Variants in ERC1 observed in about 807,000 individuals in gnomAD.
The protein encoded by ERC1 is RAB6 interacting protein 2.
Under a neutral mutation model 132.0 loss-of-function variants are expected in ERC1, and 56 were observed. The observed-to-expected ratio is 0.42, with a 90% CI of 0.34 to 0.53. The LOEUF (loss-of-function observed/expected upper bound fraction) is 0.53. Ranked by LOEUF, ERC1 falls within the 20% of genes least tolerant of loss-of-function variation. ERC1 has a pLI of 0.03. For synonymous variants in ERC1, 478 were observed against 476.1 expected (o/e 1.00, Z -0.05); for missense variants, 1,202 against 1,349.9 (o/e 0.89, Z 1.72).
intron 17 of ERC1, among the ~76,000 whole-genome samples, chr12:1,437,977 G>C (rs2092993111): frequency 6.6e-6 from 1 of 152,182 alleles, no homozygotes; most frequent in African/African-American, 2.4e-5. Flanking sequence ...CCTTTGGAGA[G>C]AGTTTCTACT....
chr12:1,054,312 A>G (rs1419085990), intron 2 of ERC1, among the ~76,000 whole-genome samples: 1 of 152,160 alleles, frequency 6.6e-6, no homozygotes, highest in Non-Finnish European at 1.5e-5. Flanking sequence ...GGGCCTGGGT[A>G]TATTATGTAG....
At chr12:1,105,767 G>A (rs751442078) in intron 4 of ERC1, among the ~76,000 whole-genome samples, 12 of 152,016 alleles carry the variant, frequency 7.9e-5, no homozygotes, top group Non-Finnish European at 1.5e-4. Context: ...ACAAGTACTT[G>A]ACGTGACAAA....
At chr12:1,140,940 CTT>C (rs772715370) in intron 7 of ERC1, among the ~76,000 whole-genome samples, 3 of 151,984 alleles carry the variant, frequency 2.0e-5, no homozygotes, top group Non-Finnish European at 2.9e-5. Context: ...GAAAATATGA[CTT>C]ATTATTTTCC....
chr12:1,309,871 G>A (rs1235412307), intron 15 of ERC1, among the ~76,000 whole-genome samples: 5 of 152,048 alleles, frequency 3.3e-5, no homozygotes. Flanking sequence ...CAGTTACTCA[G>A]TTTCCTCGTC....
At chr12:1,021,218 G>A (rs892293476) in intron 1 of ERC1, among the ~76,000 whole-genome samples, 14 of 152,076 alleles carry the variant, frequency 9.2e-5, no homozygotes, top group Admixed American at 3.9e-4. Context: ...TGGGGTTACA[G>A]GCATGAGCCA....
intron 6 of ERC1, among the ~76,000 whole-genome samples, chr12:1,114,126 C>T (rs1023205033): frequency 1.6e-4 from 24 of 152,004 alleles, no homozygotes; most frequent in Admixed American, 1.1e-3. Context: ...CTGGTTCAAG[C>T]GATTCTCCTG....
At chr12:1,115,361 T>C (rs1435840078) in intron 6 of ERC1, among the ~76,000 whole-genome samples, 1 of 152,176 alleles carries the variant, frequency 6.6e-6, no homozygotes, top group African/African-American at 2.4e-5. Flanking sequence ...CTTTTGAGAA[T>C]GAAAAAGATA....
At chr12:1,427,015 A>G (rs2092662490) in intron 17 of ERC1, among the ~76,000 whole-genome samples, 1 of 152,130 alleles carries the variant, frequency 6.6e-6, no homozygotes, top group Non-Finnish European at 1.5e-5. Flanking sequence ...AGGCAGATAT[A>G]TATACTTTAT....
intron 16 of ERC1, among the ~76,000 whole-genome samples, chr12:1,407,380 C>T (rs780328756): frequency 1.5e-4 from 23 of 151,608 alleles, no homozygotes; most frequent in Non-Finnish European, 2.9e-4. Flanking sequence ...TTATTGAGAC[C>T]CTGTCTCTAC....
At chr12:1,381,078 GAA>G (rs1380193821) in intron 16 of ERC1, 1 of 152,156 alleles carries the variant, frequency 6.6e-6, no homozygotes, top group Non-Finnish European at 1.5e-5. Context: ...TTATGACTGA[GAA>G]GACATTCCTC....
intron 15 of ERC1, among the ~76,000 whole-genome samples, chr12:1,370,415 G>T (rs2087093757): frequency 6.6e-6 from 1 of 152,182 alleles, no homozygotes; most frequent in African/African-American, 2.4e-5. Context: ...TGAAAAGAAT[G>T]ATTGATGTTC....
At chr12:1,232,714 TG>T (rs1178408803) in intron 12 of ERC1, among the ~76,000 whole-genome samples, 1 of 152,132 alleles carries the variant, frequency 6.6e-6, no homozygotes, top group African/African-American at 2.4e-5. Flanking sequence ...TCCTAATTTT[TG>T]TTGAGTTTCC....
intron 8 of ERC1, among the ~76,000 whole-genome samples, chr12:1,164,791 A>G (rs138943022): frequency 1.7e-3 from 259 of 152,328 alleles, no homozygotes; most frequent in African/African-American, 5.9e-3. Flanking sequence ...TCAGTAGAAT[A>G]AAACATTGGA....
At chr12:1,418,612 TTTCTTTCTTTC>T (rs1462265198) in intron 17 of ERC1, among the ~76,000 whole-genome samples, 3 of 106,834 alleles carry the variant, frequency 2.8e-5, no homozygotes, top group Non-Finnish European at 5.3e-5. Context: ...TCTTTCTTTC[TTTCTTTCTTTC>T]TTTCTTTCTT....
chr12:1,353,629 T>C (rs192501267), intron 15 of ERC1, among the ~76,000 whole-genome samples: 2 of 152,246 alleles, frequency 1.3e-5, no homozygotes, highest in East Asian at 3.9e-4. Flanking sequence ...TTGGCAGCCA[T>C]GTGGTGTGGA....
At chr12:1,106,224 C>T (rs1293443825) in intron 4 of ERC1, among the ~76,000 whole-genome samples, 1 of 152,034 alleles carries the variant, frequency 6.6e-6, no homozygotes, top group Non-Finnish European at 1.5e-5. Flanking sequence ...CATGTAAAAA[C>T]ACTTTGAACA....
rs35596394 is a variant in ERC1 at position 1,483,668 on chromosome 12, CTTTTTTTTTTTTTTTTTTTTTTT to C, written c.3214-6409_3214-6387del. 6.3e-3 allele frequency among the ~76,000 whole-genome samples: 349 copies of C among 55,224 alleles called. 4 individuals carry two copies. Among genetic ancestry groups the C allele is most frequent in the East Asian group, 0.045 (56 of 1,252 alleles). The allele number at this position is 55,224 out of a possible 152,430, so 36.2% of individuals were successfully genotyped here. ...CAAAACTCCTTCCAGCCACTGAGAG[CTTTTTTTTTTTTTTTTTTTTTTT>C]TTTTTTTTTTTTTTTGGAGACAGAG... On this transcript the variant is annotated intron_variant, in intron 18 of 18. Coordinates refer to ENST00000360905, the MANE Select transcript of ERC1 (RefSeq NM_178040.4).
intron 1 of ERC1, among the ~76,000 whole-genome samples, chr12:1,008,481 T>C (rs1286154457): frequency 1.3e-5 from 2 of 152,190 alleles, no homozygotes; most frequent in African/African-American, 4.8e-5. Flanking sequence ...CTTGCTATGT[T>C]GCCCAGGCTG....
rs1346324571 is a variant in ERC1, at chr12:1,122,225, C to CTCTA, written c.1569+6196_1569+6199dup. On this transcript the variant is annotated intron_variant, in intron 7 of 18. Transcript: ENST00000360905. The stretch of plus-strand genomic sequence containing the variant: ...TCTGTGTCTCTATCTCTATCTCTAT[C>CTCTA]TCTATCTCTATCTGTGTCTCTATCT... Among the ~76,000 whole-genome samples the CTCTA allele has an allele frequency of 6.4e-5, 5 of 78,212 alleles. No homozygotes were observed. The East Asian group carries it at 1.5e-3, about 24-fold the overall frequency. 51.3% of individuals were successfully genotyped at this position (78,212 alleles called of 152,430 possible).
Sources: allele counts gnomAD v4.1 joint callset (sites outside exome capture counted in the v4.1 genomes callset), GRCh38; gene constraint gnomAD v4.1.1; transcripts MANE v1.5; gene names NCBI Gene and HGNC (gene_info 2026-07-23, HGNC 2026-07-21).